EPB41L4B: variants seen among roughly 807,000 people sequenced by gnomAD.
The protein encoded by EPB41L4B is erythrocyte membrane protein band 4.1 like 4B, also known as band 4.1-like protein 4B.
Under a neutral mutation model 112.5 loss-of-function variants are expected in EPB41L4B, and 30 were observed. That is an observed-to-expected ratio of 0.27 (90% CI 0.20 to 0.36). The LOEUF (loss-of-function observed/expected upper bound fraction) is 0.36. Ranked by LOEUF, EPB41L4B falls within the 10% of genes least tolerant of loss-of-function variation. The pLI is 1.00. For missense variants in EPB41L4B, 1,024 were observed against 1,133.3 expected (o/e 0.90, Z 1.38); for synonymous variants, 408 against 439.7 (o/e 0.93, Z 0.90).
intron 25 of EPB41L4B, among the ~76,000 whole-genome samples, chr9:109,174,904 A>G (rs1282370469): frequency 7.0e-6 from 1 of 143,546 alleles, no homozygotes. Flanking sequence ...GCAGCCACTC[A>G]GTAAAGTGTT....
Position 109,216,912 on chromosome 9 carries a change from C to T in EPB41L4B, c.1633+10G>A. The T allele has an allele frequency of 6.2e-7, 1 of 1,613,714 alleles. No homozygotes were observed. Among genetic ancestry groups the T allele is most frequent in the Non-Finnish European group, 8.5e-7 (1 of 1,179,660 alleles). ...CCTTCTCCTGCCTTGCCCCCTCCAC[C>T]CCTACTCACTTGTAAGGGACTTGCT... On this transcript the variant is annotated intron_variant, in intron 16 of 25. Coordinates refer to ENST00000374566, the MANE Select transcript of EPB41L4B (RefSeq NM_019114.5).
At chr9:109,292,812 T>A (rs139364901) in intron 1 of EPB41L4B, among the ~76,000 whole-genome samples, 85 of 152,326 alleles carry the variant, frequency 5.6e-4, no homozygotes, top group African/African-American at 2.0e-3. Flanking sequence ...GTTAATGATG[T>A]TCTGCGATTT....
At chr9:109,314,814 C>T (rs1837572682) in intron 1 of EPB41L4B, among the ~76,000 whole-genome samples, 1 of 152,150 alleles carries the variant, frequency 6.6e-6, no homozygotes, top group African/African-American at 2.4e-5. Context: ...AAAAGCAAGC[C>T]ACCCAGAGCC....
At chr9:109,250,735 C>G (rs558509229) in intron 13 of EPB41L4B, among the ~76,000 whole-genome samples, 2 of 152,302 alleles carry the variant, frequency 1.3e-5, no homozygotes, top group South Asian at 4.1e-4. Flanking sequence ...ATTATGCTCA[C>G]CAGATCATTC....
chr9:109,296,499 T>A (rs1385914589), intron 1 of EPB41L4B, among the ~76,000 whole-genome samples: 1 of 152,204 alleles, frequency 6.6e-6, no homozygotes, highest in Non-Finnish European at 1.5e-5. Flanking sequence ...TATGAAATGA[T>A]GATGAATTTA....
At chr9:109,203,761 A>G in intron 18 of EPB41L4B, 31 bp from the exon 19 acceptor site, 2 of 1,562,198 alleles carry the variant, frequency 1.3e-6, no homozygotes, top group African/African-American at 1.4e-5. Flanking sequence ...GTTAGTCAAA[A>G]CTGAATATGT....
At chr9:109,281,834 G>A (rs1276931898) in intron 1 of EPB41L4B, among the ~76,000 whole-genome samples, 2 of 152,074 alleles carry the variant, frequency 1.3e-5, no homozygotes, top group Admixed American at 1.3e-4. Flanking sequence ...AAATAGCCTG[G>A]CAGTTCCACA....
rs1228036615 is a variant in EPB41L4B, at chr9:109,173,414, T to TG, written c.*1139_*1140insC. ...GAATAATCCAAAAGAAGGAGCAGTT[T>TG]TTTTTTTTTACAGACATTCATAGCA... On this transcript the variant is annotated 3_prime_UTR_variant, in exon 26 of 26. Coordinates refer to ENST00000374566, the MANE Select transcript of EPB41L4B (RefSeq NM_019114.5). 1 of 152,388 alleles carries TG rather than the reference T, an allele frequency of 6.6e-6. No homozygotes were observed. Among genetic ancestry groups the TG allele is most frequent in the African/African-American group, 2.4e-5 (1 of 41,382 alleles). The allele number at this position is 152,388 out of a possible 1,614,324, so 9.4% of individuals were successfully genotyped here.
chr9:109,310,801 T>C (rs913099029), intron 1 of EPB41L4B, among the ~76,000 whole-genome samples: 1 of 152,182 alleles, frequency 6.6e-6, no homozygotes, highest in Non-Finnish European at 1.5e-5. Flanking sequence ...CCACAATCCA[T>C]GAATGGATAA....
At chr9:109,227,347 A>C (rs1833818737) in intron 15 of EPB41L4B, among the ~76,000 whole-genome samples, 1 of 152,042 alleles carries the variant, frequency 6.6e-6, no homozygotes, top group Non-Finnish European at 1.5e-5. Flanking sequence ...TCCAGAATTC[A>C]AGTTACTTCC....
In EPB41L4B at chr9:109,174,093, T is replaced by C. The variant is rs1251589173; in HGVS notation, c.*461A>G. The C allele has an allele frequency of 6.4e-6, 1 of 155,336 alleles. No homozygotes were observed. Among genetic ancestry groups the C allele is most frequent in the African/African-American group, 2.4e-5 (1 of 41,496 alleles). The allele number at this position is 155,336 out of a possible 1,614,324, so 9.6% of individuals were successfully genotyped here. A position where few individuals can be genotyped will look rare whatever the true frequency, so the allele number is the denominator to read the frequency against. On this transcript the variant is annotated 3_prime_UTR_variant, in exon 26 of 26. Transcript: ENST00000374566. ...TGAATGTTAAAGACTTTATAAGATC[T>C]GTGTATTTATCAGTGTAAATGAAAA...
intron 16 of EPB41L4B, among the ~76,000 whole-genome samples, chr9:109,214,186 G>A (rs1445319965): frequency 2.0e-5 from 3 of 152,206 alleles, no homozygotes; most frequent in Non-Finnish European, 4.4e-5. Flanking sequence ...AAATTGGAAA[G>A]ATTAGTGTTC....
chr9:109,251,378 T>A (rs912229250), intron 13 of EPB41L4B, 103 bp downstream of exon 13: 1 of 1,138,688 alleles, frequency 8.8e-7, no homozygotes, highest in Non-Finnish European at 1.3e-6. Context: ...AATTACCAGA[T>A]GACACACTTC....
chr9:109,298,959 CT>C (rs1276629318), intron 1 of EPB41L4B, among the ~76,000 whole-genome samples: 2 of 152,290 alleles, frequency 1.3e-5, no homozygotes, highest in South Asian at 2.1e-4. Context: ...GTCCCTATAC[CT>C]TCTAAGATAC....
intron 2 of EPB41L4B, among the ~76,000 whole-genome samples, chr9:109,269,096 G>A (rs1015737733): frequency 2.0e-5 from 3 of 151,986 alleles, no homozygotes; most frequent in Non-Finnish European, 4.4e-5. Context: ...AAGCATTCCA[G>A]GTCTCCATTA....
Position 109,264,962 on chromosome 9 carries a change from G to C in EPB41L4B, c.578+18C>G. The C allele has an allele frequency of 6.3e-7, 1 of 1,598,158 alleles. No homozygotes were observed. The highest frequency in any genetic ancestry group is 1.1e-5 in the South Asian group (1 of 87,912). On this transcript the variant is annotated intron_variant, in intron 5 of 25. Coordinates refer to ENST00000374566, the MANE Select transcript of EPB41L4B (RefSeq NM_019114.5). ...ATGATCTATCCTGGGTTAAGAGTTAGAACAAAAACATACTTACTTTCCAGA... is the reference window on the plus strand; with the variant it reads ...ATGATCTATCCTGGGTTAAGAGTTACAACAAAAACATACTTACTTTCCAGA...
intron 22 of EPB41L4B, among the ~76,000 whole-genome samples, chr9:109,189,525 G>A (rs1318657509): frequency 6.6e-6 from 1 of 152,172 alleles, no homozygotes; most frequent in Non-Finnish European, 1.5e-5. Context: ...ATTAATCTGG[G>A]CTCTTTGGAC....
chr9:109,248,720 T>C (rs1168612484), intron 13 of EPB41L4B, among the ~76,000 whole-genome samples: 4 of 152,098 alleles, frequency 2.6e-5, no homozygotes, highest in Non-Finnish European at 4.4e-5. Context: ...GTTGGGATTA[T>C]AGGCATGAGC....
intron 25 of EPB41L4B, among the ~76,000 whole-genome samples, chr9:109,175,502 C>CACACAT (rs938190801): frequency 2.0e-5 from 3 of 150,730 alleles, no homozygotes; most frequent in Admixed American, 6.6e-5. Flanking sequence ...CACACACACA[C>CACACAT]ACACACACAC....
Sources: gnomAD v4.1 joint callset for allele counts (sites outside exome capture counted in the v4.1 genomes callset) on GRCh38, gnomAD v4.1.1 for gene constraint, MANE v1.5 for transcripts, NCBI Gene and HGNC (gene_info 2026-07-23, HGNC 2026-07-21) for gene names.